PRLHR: variants seen among roughly 807,000 people sequenced by gnomAD.
The protein encoded by PRLHR is prolactin-releasing peptide receptor.
A neutral mutation model predicts 9.3 loss-of-function variants in PRLHR; 10 were observed. The ratio of observed to expected loss-of-function variants is 1.08; its 90% CI spans 0.66 to 1.82. The LOEUF is 1.82. Ranked by LOEUF, PRLHR falls within the 40% of genes most tolerant of loss-of-function variation. PRLHR has a pLI of 0.00. For synonymous variants in PRLHR, 261 were observed against 249.3 expected (o/e 1.05, Z -0.44); for missense variants, 589 against 512.0 (o/e 1.15, Z -1.45).
Position 118,594,519 on chromosome 10 carries a change from G to T in PRLHR, c.726C>A (p.Leu242=). 6.3e-7 allele frequency: 1 copy of T among 1,585,766 alleles called. No individual in the cohort carries two copies. Residue 242 remains leucine, a synonymous_variant, in exon 2 of 2, where the codon CTC becomes CTA. Coordinates refer to ENST00000239032, the MANE Select transcript of PRLHR (RefSeq NM_004248.3). ...TCACTGACACCCGGACGTAAGACAG[G>T]AGGATGACCAGCAGAGGGAGCAGGT... ...VTYLLPLLVI[L]LSYVRVSVKL... is the part of the protein sequence containing the mutation.
In PRLHR at chr10:118,594,383, C is replaced by T. The variant is rs766960234; in HGVS notation, c.862G>A (p.Ala288Thr). The T allele has an allele frequency of 4.4e-6, 7 of 1,599,802 alleles. No homozygotes were observed. In the African/African-American group the frequency reaches 8.0e-5, roughly 18 times the overall value. ...ACGTGCAGCGGCAGCCAGCAGACGGCGAACACCACCACGATCACCACCAGC... is the reference window on the plus strand; with the variant it reads ...ACGTGCAGCGGCAGCCAGCAGACGGTGAACACCACCACGATCACCACCAGC... The part of the protein sequence containing the change: ...CLLVVIVVVF[A>T]VCWLPLHVFN... Residue 288 changes from alanine to threonine, a missense_variant, in exon 2 of 2, where the codon GCC becomes ACC. Ala to Thr is a moderately conservative substitution (Grantham distance 58). Transcript: ENST00000239032.
rs1294666552 is a variant in PRLHR, at chr10:118,594,964, A to T, written c.281T>A (p.Val94Glu). The T allele has an allele frequency of 6.2e-7, 1 of 1,613,658 alleles. No homozygotes were observed. The highest frequency in any genetic ancestry group is 2.2e-5 in the East Asian group (1 of 44,856). Residue 94 changes from valine to glutamate, a missense_variant, in exon 2 of 2, where the codon GTG becomes GAG. By Grantham distance (121) the Val-to-Glu change is moderately radical. Coordinates refer to ENST00000239032, the MANE Select transcript of PRLHR (RefSeq NM_004248.3). The part of the protein sequence containing the change: ...VIARVRRLHN[V>E]TNFLIGNLAL... ...CAGGTTGCCGATGAGGAAGTTCGTCACGTTGTGCAGCCGGCGCACCCGCGC... is the reference window on the plus strand; with the variant it reads ...CAGGTTGCCGATGAGGAAGTTCGTCTCGTTGTGCAGCCGGCGCACCCGCGC...
chr10:118,593,322 A>T lies in PRLHR; in HGVS notation c.*810T>A, dbSNP rs1844449111. On this transcript the variant is annotated 3_prime_UTR_variant, in exon 2 of 2. Coordinates refer to ENST00000239032, the MANE Select transcript of PRLHR (RefSeq NM_004248.3). ...GCAAACACTGAATGTGTACCCACAC[A>T]TACACACACATACACAAACACACAT... 1 of 152,264 alleles carries T rather than the reference A, an allele frequency of 6.6e-6. No individual in the cohort carries two copies. The highest frequency in any genetic ancestry group is 2.4e-5 in the African/African-American group (1 of 41,462). The allele number at this position is 152,264 out of a possible 1,614,324, so 9.4% of individuals were successfully genotyped here.
chr10:118,595,287 C>G, intron 1 of PRLHR, 37 bp from the exon 2 acceptor site: 1 of 1,485,224 alleles, frequency 6.7e-7, no homozygotes, highest in South Asian at 1.3e-5. Context: ...ACTTCCCTTG[C>G]CATACTCCAT....
Position 118,594,542 on chromosome 10 carries a change from G to A in PRLHR, c.703C>T (p.Leu235=). 6.4e-7 allele frequency: 1 copy of A among 1,569,676 alleles called. No individual in the cohort carries two copies. Among genetic ancestry groups the A allele is most frequent in the South Asian group, 1.1e-5 (1 of 87,300 alleles). The change falls in exon 2 of 2, where the codon CTG becomes TTG. Residue 235 remains leucine (L), a synonymous_variant. Transcript: ENST00000239032. ...AGGAGGATGACCAGCAGAGGGAGCAGGTAGGTGACCAGCAGCAGCCCCCAG... is the reference window on the plus strand; with the variant it reads ...AGGAGGATGACCAGCAGAGGGAGCAAGTAGGTGACCAGCAGCAGCCCCCAG... ...YAWGLLLVTY[L]LPLLVILLSY...
chr10:118,591,717 A>T lies in PRLHR; in HGVS notation c.*2415T>A, dbSNP rs963942566. 9.1e-6 allele frequency: 1 copy of T among 110,098 alleles called. No homozygotes were observed. Among genetic ancestry groups the T allele is most frequent in the African/African-American group, 3.6e-5 (1 of 27,748 alleles). The allele number at this position is 110,098 out of a possible 1,614,324, so 6.8% of individuals were successfully genotyped here. A position where few individuals can be genotyped will look rare whatever the true frequency, so the allele number is the denominator to read the frequency against. ...TCCCGCCCCCACCCCCCACCCCGAG[A>T]TGGAGTCTTGTTCTGTCACCCAGGT... On this transcript the variant is annotated 3_prime_UTR_variant, in exon 2 of 2. Transcript: ENST00000239032.
In PRLHR at chr10:118,594,714, G is replaced by A; in HGVS notation, c.531C>T (p.Ala177=). Residue 177 remains alanine (A), a synonymous_variant, in exon 2 of 2, where the codon GCC becomes GCT. Transcript: ENST00000239032. ...GCGCCCAGATGGCCAGCACAGCGTA[G>A]GCGCTGAGGCGCAGCGAGATGCGCC... is the stretch of plus-strand genomic sequence containing the variant. The part of the protein sequence containing the change: ...LRRRISLRLS[A]YAVLAIWALS... 6.2e-7 allele frequency: 1 copy of A among 1,600,524 alleles called. No homozygotes were observed. Among genetic ancestry groups the A allele is most frequent in the South Asian group, 1.1e-5 (1 of 90,366 alleles).
Position 118,590,068 on chromosome 10 carries a change from C to T in PRLHR, c.*4064G>A, listed in dbSNP as rs1844420075. 1 of 152,202 alleles carries T rather than the reference C, an allele frequency of 6.6e-6. No individual in the cohort carries two copies. Among genetic ancestry groups the T allele is most frequent in the Admixed American group, 6.5e-5 (1 of 15,284 alleles). 9.4% of individuals were successfully genotyped at this position (152,202 alleles called of 1,614,324 possible). A position where few individuals can be genotyped will look rare whatever the true frequency, so the allele number is the denominator to read the frequency against. On this transcript the variant is annotated 3_prime_UTR_variant, in exon 2 of 2. Transcript: ENST00000239032. ...ATAAACCCCAGCATGTAGAGCTTCA[C>T]ATGTGATTCAGCAACACATGCATTT...
Position 118,594,548 on chromosome 10 carries a change from T to C in PRLHR, c.697A>G (p.Thr233Ala). The C allele has an allele frequency of 6.4e-7, 1 of 1,565,670 alleles. No individual in the cohort carries two copies. Among genetic ancestry groups the C allele is most frequent in the Admixed American group, 1.9e-5 (1 of 53,472 alleles). Residue 233 changes from threonine to alanine, a missense_variant, in exon 2 of 2, where the codon ACC becomes GCC. By Grantham distance (58) the Thr-to-Ala change is moderately conservative. Transcript: ENST00000239032. ...QLYAWGLLLV[T>A]YLLPLLVILL... ...ATGACCAGCAGAGGGAGCAGGTAGG[T>C]GACCAGCAGCAGCCCCCAGGCGTAG...
rs1844490214 is a variant in PRLHR at position 118,595,640 on chromosome 10, G to T, written c.-131C>A. On this transcript the variant is annotated 5_prime_UTR_variant, in exon 1 of 2. Transcript: ENST00000239032. ...CTCGCTTCTCCGCGGGAGCTGAACG[G>T]ATCCAAATGTTTCCCAGTGGGCTAG... 1 of 169,626 alleles carries T rather than the reference G, an allele frequency of 5.9e-6. No homozygotes were observed. The highest frequency in any genetic ancestry group is 2.4e-5 in the African/African-American group (1 of 42,126). The allele number at this position is 169,626 out of a possible 1,614,324, so 10.5% of individuals were successfully genotyped here. A position where few individuals can be genotyped will look rare whatever the true frequency, so the allele number is the denominator to read the frequency against.
rs1256098349 is a variant in PRLHR, at chr10:118,594,853, C to T, written c.392G>A (p.Gly131Asp). ...AFEPRGWVFG[G>D]GLCHLVFFLQ... Reference sequence around the variant, plus strand: ...GAAGAAGACCAGGTGGCACAGGCCGCCGCCGAACACCCAGCCGCGTGGCTC... The same window carrying T: ...GAAGAAGACCAGGTGGCACAGGCCGTCGCCGAACACCCAGCCGCGTGGCTC... The change falls in exon 2 of 2, where the codon GGC becomes GAC. Residue 131 changes from glycine to aspartate, a missense_variant. Coordinates refer to ENST00000239032, the MANE Select transcript of PRLHR (RefSeq NM_004248.3). 7 of 1,613,084 alleles carry T rather than the reference C, an allele frequency of 4.3e-6. No individual in the cohort carries two copies. The highest frequency in any genetic ancestry group is 5.9e-6 in the Non-Finnish European group (7 of 1,179,880).
chr10:118,595,300 G>T, intron 1 of PRLHR, 50 bp from the exon 2 acceptor site: 2 of 1,460,620 alleles, frequency 1.4e-6, no homozygotes, highest in Non-Finnish European at 9.1e-7. Flanking sequence ...TACTCCATCC[G>T]ACCTCCTACA....
rs1174155911 is a variant in PRLHR, at chr10:118,593,652, AG to A, written c.*479del. 2.0e-5 allele frequency: 3 copies of A among 152,434 alleles called. No homozygotes were observed. The highest frequency in any genetic ancestry group is 4.8e-5 in the African/African-American group (2 of 41,476). The allele number at this position is 152,434 out of a possible 1,614,324, so 9.4% of individuals were successfully genotyped here. A position where few individuals can be genotyped will look rare whatever the true frequency, so the allele number is the denominator to read the frequency against. ...ATTTACCTGAAATTCTAGGAATGCA[AG>A]GGTTCAAATGGACTAAGCAATATCA... On this transcript the variant is annotated 3_prime_UTR_variant, in exon 2 of 2. Coordinates refer to ENST00000239032, the MANE Select transcript of PRLHR (RefSeq NM_004248.3).
In PRLHR at chr10:118,594,083, G is replaced by T; in HGVS notation, c.*49C>A. ...CAGATTGACCTCGAGTGGTGCCCTA[G>T]GAGGCCAGTTGAAGTGGAGCTCCTT... On this transcript the variant is annotated 3_prime_UTR_variant, in exon 2 of 2. Coordinates refer to ENST00000239032, the MANE Select transcript of PRLHR (RefSeq NM_004248.3). 2 of 1,506,202 alleles carry T rather than the reference G, an allele frequency of 1.3e-6. No individual in the cohort carries two copies. The highest frequency in any genetic ancestry group is 1.8e-6 in the Non-Finnish European group (2 of 1,126,892). 93.3% of individuals were successfully genotyped at this position (1,506,202 alleles called of 1,614,324 possible).
Position 118,594,064 on chromosome 10 carries a change from G to A in PRLHR, c.*68C>T, listed in dbSNP as rs1844455921. The stretch of plus-strand genomic sequence containing the variant: ...TGGTGCTGAGAATAAGCACCAGATT[G>A]ACCTCGAGTGGTGCCCTAGGAGGCC... On this transcript the variant is annotated 3_prime_UTR_variant, in exon 2 of 2. Transcript: ENST00000239032. 1.3e-6 allele frequency: 2 copies of A among 1,500,814 alleles called. No individual in the cohort carries two copies. The highest frequency in any genetic ancestry group is 1.4e-5 in the African/African-American group (1 of 71,416). The allele number at this position is 1,500,814 out of a possible 1,614,324, so 93.0% of individuals were successfully genotyped here.
chr10:118,593,508 A>C lies in PRLHR; in HGVS notation c.*624T>G, dbSNP rs1844450946. On this transcript the variant is annotated 3_prime_UTR_variant, in exon 2 of 2. Coordinates refer to ENST00000239032, the MANE Select transcript of PRLHR (RefSeq NM_004248.3). ...AGAAACAATAGCAAGACCTTTCTAAAGGGAGCTTGTAGGTGTTTTTGTACT... is the reference window on the plus strand; with the variant it reads ...AGAAACAATAGCAAGACCTTTCTAACGGGAGCTTGTAGGTGTTTTTGTACT... 6.6e-6 allele frequency: 1 copy of C among 152,206 alleles called. No individual in the cohort carries two copies. Among genetic ancestry groups the C allele is most frequent in the Non-Finnish European group, 1.5e-5 (1 of 68,030 alleles). 9.4% of individuals were successfully genotyped at this position (152,206 alleles called of 1,614,324 possible).
rs139325809 is a variant in PRLHR, at chr10:118,594,727, A to T, written c.518T>A (p.Leu173Gln). The change falls in exon 2 of 2, where the codon CTG becomes CAG. Residue 173 changes from leucine (L) to glutamine (Q), a missense_variant. By Grantham distance (113) the Leu-to-Gln change is moderately radical. Transcript: ENST00000239032. ...LVHPLRRRIS[L>Q]RLSAYAVLAI... is the part of the protein sequence containing the mutation. Reference sequence around the variant, plus strand: ...CAGCACAGCGTAGGCGCTGAGGCGCAGCGAGATGCGCCGCCTCAGCGGGTG... The same window carrying T: ...CAGCACAGCGTAGGCGCTGAGGCGCTGCGAGATGCGCCGCCTCAGCGGGTG... The T allele has an allele frequency of 1.2e-4, 199 of 1,604,384 alleles. 1 individual carries two copies. The highest frequency in any genetic ancestry group is 7.8e-4 in the East Asian group (35 of 44,732).
Position 118,594,388 on chromosome 10 carries a change from A to T in PRLHR, c.857T>A (p.Val286Glu). Reference sequence around the variant, plus strand: ...CAGCGGCAGCCAGCAGACGGCGAACACCACCACGATCACCACCAGCAAGCA... The same window carrying T: ...CAGCGGCAGCCAGCAGACGGCGAACTCCACCACGATCACCACCAGCAAGCA... ...TFCLLVVIVV[V>E]FAVCWLPLHV... The change falls in exon 2 of 2, where the codon GTG becomes GAG. Residue 286 changes from valine (V) to glutamate (E), a missense_variant. By Grantham distance (121) the Val-to-Glu change is moderately radical (BLOSUM62 -2). Transcript: ENST00000239032. 1 of 1,599,646 alleles carries T rather than the reference A, an allele frequency of 6.3e-7. No individual in the cohort carries two copies. Among genetic ancestry groups the T allele is most frequent in the Non-Finnish European group, 8.5e-7 (1 of 1,179,504 alleles).
chr10:118,594,084 G>T lies in PRLHR; in HGVS notation c.*48C>A. 6.6e-7 allele frequency: 1 copy of T among 1,506,124 alleles called. No homozygotes were observed. The highest frequency in any genetic ancestry group is 8.9e-7 in the Non-Finnish European group (1 of 1,126,880). The allele number at this position is 1,506,124 out of a possible 1,614,324, so 93.3% of individuals were successfully genotyped here. Reference sequence around the variant, plus strand: ...AGATTGACCTCGAGTGGTGCCCTAGGAGGCCAGTTGAAGTGGAGCTCCTTG... The same window carrying T: ...AGATTGACCTCGAGTGGTGCCCTAGTAGGCCAGTTGAAGTGGAGCTCCTTG... On this transcript the variant is annotated 3_prime_UTR_variant, in exon 2 of 2. Coordinates refer to ENST00000239032, the MANE Select transcript of PRLHR (RefSeq NM_004248.3).
Sources: gnomAD v4.1 joint callset for allele counts on GRCh38, gnomAD v4.1.1 for gene constraint, MANE v1.5 for transcripts, NCBI Gene and HGNC (gene_info 2026-07-23, HGNC 2026-07-21) for gene names.